The following CNBD1 variants were observed in gnomAD, a reference collection of about 807,000 sequenced individuals.
CNBD1 encodes cyclic nucleotide binding domain containing 1, also known as cyclic nucleotide-binding domain-containing protein 1.
CNBD1 carries 71 observed loss-of-function variants against 54.4 expected under a neutral mutation model. The observed-to-expected ratio is 1.30, with a 90% CI of 1.08 to 1.59. The LOEUF is 1.59. CNBD1 is among the 40% of genes most tolerant of loss of function. The probability of loss-of-function intolerance (pLI) is 0.00; values close to 1 mark genes in which losing one functional copy is unlikely to be tolerated. For synonymous variants in CNBD1, 182 were observed against 170.7 expected (o/e 1.07, Z -0.51); for missense variants, 659 against 518.0 (o/e 1.27, Z -2.64).
chr8:86,875,756 T>C (rs1421531718), intron 1 of CNBD1, among the ~76,000 whole-genome samples: 2 of 152,120 alleles, frequency 1.3e-5, no homozygotes, highest in Non-Finnish European at 2.9e-5. Context: ...AAAATAAACT[T>C]TTTTCAATTT....
intron 4 of CNBD1, among the ~76,000 whole-genome samples, chr8:87,189,241 A>G (rs948168726): frequency 6.6e-6 from 1 of 152,180 alleles, no homozygotes; most frequent in Non-Finnish European, 1.5e-5. Flanking sequence ...TTAACCACTC[A>G]GATCTTATGA....
intron 6 of CNBD1, among the ~76,000 whole-genome samples, chr8:87,241,009 A>C (rs1018764795): frequency 1.3e-5 from 2 of 151,868 alleles, no homozygotes; most frequent in African/African-American, 4.8e-5. Flanking sequence ...TTTCAAGTTT[A>C]CTCCACTAAA....
chr8:87,260,714 C>A (rs1808120141), intron 6 of CNBD1, among the ~76,000 whole-genome samples: 1 of 151,938 alleles, frequency 6.6e-6, no homozygotes, highest in Non-Finnish European at 1.5e-5. Flanking sequence ...TGGAGGCCAA[C>A]CCACAACACA....
rs544419363 is a variant in CNBD1 at position 87,290,807 on chromosome 8, T to C, written c.1042+4136T>C. On this transcript the variant is annotated intron_variant, in intron 8 of 10. Coordinates refer to ENST00000518476, the MANE Select transcript of CNBD1 (RefSeq NM_173538.3). ...TGCAATCCCACTTTCTTCTGGCTTC[T>C]ATTGTTTCTGATGTGAAGACAGCTG... 1.0e-3 allele frequency among the ~76,000 whole-genome samples: 153 copies of C among 152,326 alleles called. 4 individuals carry two copies. The South Asian group carries it at 0.029, about 29-fold the overall frequency.
chr8:86,963,440 C>T (rs549022881), intron 4 of CNBD1, among the ~76,000 whole-genome samples: 7 of 152,228 alleles, frequency 4.6e-5, no homozygotes, highest in Middle Eastern at 3.4e-3. Context: ...ACTGAAGCTT[C>T]GGAGAAAAAG....
intron 4 of CNBD1, among the ~76,000 whole-genome samples, chr8:86,963,843 C>A (rs1808001862): frequency 1.3e-5 from 2 of 152,130 alleles, no homozygotes; most frequent in Non-Finnish European, 2.9e-5. Context: ...CGAAAGGAAC[C>A]CTGGGACCAG....
chr8:87,260,242 G>T (rs1242587575), intron 6 of CNBD1, among the ~76,000 whole-genome samples: 1 of 152,126 alleles, frequency 6.6e-6, no homozygotes, highest in African/African-American at 2.4e-5. Context: ...TACCCTGGAA[G>T]GCAGAGACCA....
In CNBD1 at chr8:87,223,588, T is replaced by G. The variant is rs567038298; in HGVS notation, c.578-13331T>G. Among the ~76,000 whole-genome samples the G allele has an allele frequency of 3.5e-3, 534 of 152,346 alleles. 4 individuals carry two copies. The highest frequency in any genetic ancestry group is 0.012 in the African/African-American group (513 of 41,574). ...ACATGAACTCATCCTTTTTTATGGC[T>G]ACATAGTGTTCCATGGTGTATATGT... On this transcript the variant is annotated intron_variant, in intron 5 of 10. Transcript: ENST00000518476.
intron 5 of CNBD1, among the ~76,000 whole-genome samples, chr8:87,216,399 C>T (rs1012803438): frequency 3.3e-5 from 5 of 152,136 alleles, no homozygotes; most frequent in African/African-American, 7.2e-5. Flanking sequence ...CATACACGTA[C>T]ACTACACAAC....
chr8:87,032,654 T>C (rs1809820109), intron 4 of CNBD1, among the ~76,000 whole-genome samples: 1 of 152,180 alleles, frequency 6.6e-6, no homozygotes, highest in African/African-American at 2.4e-5. Context: ...AAATACATTG[T>C]AATTTTTGTC....
chr8:87,275,076 A>G (rs1237052602), intron 6 of CNBD1, among the ~76,000 whole-genome samples: 1 of 134,594 alleles, frequency 7.4e-6, no homozygotes, highest in African/African-American at 3.0e-5. Context: ...CAAAGATCAG[A>G]TAGCTGTAGA....
chr8:86,895,969 T>G (rs1808842024), intron 2 of CNBD1, among the ~76,000 whole-genome samples: 1 of 152,150 alleles, frequency 6.6e-6, no homozygotes, highest in Non-Finnish European at 1.5e-5. Context: ...GGTTTTCTAT[T>G]GAGTTGTATG....
chr8:87,126,796 A>G (rs959625489), intron 4 of CNBD1, among the ~76,000 whole-genome samples: 1 of 151,956 alleles, frequency 6.6e-6, no homozygotes, highest in Non-Finnish European at 1.5e-5. Context: ...TTTATGATCT[A>G]TTTTGAGTTA....
At chr8:87,086,994 A>G (rs1811106816) in intron 4 of CNBD1, among the ~76,000 whole-genome samples, 1 of 151,868 alleles carries the variant, frequency 6.6e-6, no homozygotes, top group Non-Finnish European at 1.5e-5. Context: ...ATTGAACCAG[A>G]GGTTTATAAT....
chr8:86,934,388 A>G (rs7821356), intron 3 of CNBD1, among the ~76,000 whole-genome samples: 45,237 of 152,076 alleles, frequency 0.3, 6,952 homozygotes, highest in East Asian at 0.38. Context: ...ATTGTCAGTT[A>G]TAATATCTGT....
chr8:86,972,756 T>A (rs1808252479), intron 4 of CNBD1, among the ~76,000 whole-genome samples: 1 of 152,168 alleles, frequency 6.6e-6, no homozygotes, highest in Admixed American at 6.5e-5. Flanking sequence ...CCAGAACATA[T>A]TACAGGTGAA....
chr8:86,882,044 A>C (rs1808613261), intron 1 of CNBD1, among the ~76,000 whole-genome samples: 1 of 152,232 alleles, frequency 6.6e-6, no homozygotes, highest in African/African-American at 2.4e-5. Context: ...AATATGGATT[A>C]AAGATTTAAA....
chr8:87,331,970 CA>C (rs1403579035), intron 8 of CNBD1, among the ~76,000 whole-genome samples: 5 of 151,828 alleles, frequency 3.3e-5, no homozygotes, highest in African/African-American at 9.7e-5. Context: ...AGACATTTGT[CA>C]AATGGGTAGA....
At chr8:87,321,469 T>C (rs1483337150) in intron 8 of CNBD1, among the ~76,000 whole-genome samples, 4 of 152,346 alleles carry the variant, frequency 2.6e-5, no homozygotes, top group South Asian at 2.1e-4. Context: ...TCTTTTCTTA[T>C]ACCTGTTCTA....
Sources: gnomAD v4.1 joint callset for allele counts (sites outside exome capture counted in the v4.1 genomes callset) on GRCh38, gnomAD v4.1.1 for gene constraint, MANE v1.5 for transcripts, NCBI Gene and HGNC (gene_info 2026-07-23, HGNC 2026-07-21) for gene names.